NXPE2: variants seen among roughly 807,000 people sequenced by gnomAD.
NXPE2 encodes the protein neurexophilin and PC-esterase domain family member 2, also known as NXPE family member 2.
NXPE2 carries 34 observed loss-of-function variants against 34.4 expected under a neutral mutation model. The ratio of observed to expected loss-of-function variants is 0.99; its 90% CI spans 0.75 to 1.31. The LOEUF (loss-of-function observed/expected upper bound fraction) is 1.31. NXPE2 is among the 40% of genes most tolerant of loss of function. The pLI is 0.00. For synonymous variants in NXPE2, 235 were observed against 231.3 expected, an observed-to-expected ratio of 1.02 and a Z score of -0.15; for missense variants, 649 against 672.5, an observed-to-expected ratio of 0.97 and a Z score of 0.39.
At chr11:114,798,434 G>A in the NXPE2 span, among the ~76,000 whole-genome samples, 83 of 151,970 alleles carry the variant, frequency 5.5e-4, no homozygotes, top group Non-Finnish European at 1.0e-3. Context: ...TGACACCCAG[G>A]CTGGAGTGCA....
chr11:114,630,876 C>G, the NXPE2 span, among the ~76,000 whole-genome samples: 4 of 151,942 alleles, frequency 2.6e-5, no homozygotes, highest in African/African-American at 9.7e-5. Context: ...CATGAACAGA[C>G]ACTTCTTAAA....
At chr11:114,806,336 C>G in the NXPE2 span, among the ~76,000 whole-genome samples, 3 of 152,336 alleles carry the variant, frequency 2.0e-5, no homozygotes, top group South Asian at 6.2e-4. Context: ...TGGAACAAAG[C>G]TAGACAGAGA....
At chr11:114,487,838 G>A in the NXPE2 span, among the ~76,000 whole-genome samples, 11 of 152,086 alleles carry the variant, frequency 7.2e-5, no homozygotes, top group East Asian at 1.9e-4. Context: ...CCATCCTTGC[G>A]TCCCTGGGAT....
At chr11:114,482,177 T>G in the NXPE2 span, among the ~76,000 whole-genome samples, 1 of 152,144 alleles carries the variant, frequency 6.6e-6, no homozygotes, top group Non-Finnish European at 1.5e-5. Context: ...GAAAAAAATA[T>G]ATTTCCTGCT....
chr11:114,714,370 T>G, the NXPE2 span, among the ~76,000 whole-genome samples: 1 of 152,236 alleles, frequency 6.6e-6, no homozygotes, highest in African/African-American at 2.4e-5. Context: ...GAGGTGAGTG[T>G]GCTTTGCCTG....
chr11:114,636,082 A>G, the NXPE2 span, among the ~76,000 whole-genome samples: 1 of 77,088 alleles, frequency 1.3e-5, no homozygotes, highest in Non-Finnish European at 2.5e-5. Context: ...TCGACTGTGA[A>G]TCCATCTGGT....
At chr11:114,560,868 T>A in the NXPE2 span, among the ~76,000 whole-genome samples, 1 of 152,188 alleles carries the variant, frequency 6.6e-6, no homozygotes, top group East Asian at 1.9e-4. Context: ...ATAGCTGCAA[T>A]CATACAGTGT....
the NXPE2 span, among the ~76,000 whole-genome samples, chr11:114,494,420 A>G: frequency 6.6e-6 from 1 of 151,254 alleles, no homozygotes; most frequent in Non-Finnish European, 1.5e-5. Context: ...CTGGCTGTGT[A>G]TTTTCAAATA....
the NXPE2 span, chr11:114,571,367 C>G: frequency 3.1e-6 from 5 of 1,613,972 alleles, no homozygotes; most frequent in Non-Finnish European, 4.2e-6. Flanking sequence ...TTGATCCTAT[C>G]AAGGGATAAC....
At chr11:114,671,656 A>G in the NXPE2 span, among the ~76,000 whole-genome samples, 1 of 152,030 alleles carries the variant, frequency 6.6e-6, no homozygotes, top group Non-Finnish European at 1.5e-5. Context: ...TGAGAGAAAA[A>G]AATAGAATAA....
the NXPE2 span, chr11:114,582,541 T>C: frequency 6.2e-7 from 1 of 1,614,104 alleles, no homozygotes. Flanking sequence ...TTCCTTGCAC[T>C]CCAGAGAGCT....
chr11:114,811,870 C>G, the NXPE2 span, among the ~76,000 whole-genome samples: 1 of 152,166 alleles, frequency 6.6e-6, no homozygotes, highest in East Asian at 1.9e-4. Context: ...CTGTACTTCT[C>G]TAGGCTTCAG....
the NXPE2 span, among the ~76,000 whole-genome samples, chr11:114,561,182 C>T: frequency 1.3e-5 from 2 of 152,266 alleles, no homozygotes; most frequent in Non-Finnish European, 2.9e-5. Context: ...GTGCTAAGTA[C>T]TCATAGGATT....
chr11:114,468,870 G>C, the NXPE2 span, among the ~76,000 whole-genome samples: 1 of 152,256 alleles, frequency 6.6e-6, no homozygotes, highest in Middle Eastern at 3.4e-3. Context: ...GAGACTCCAG[G>C]CCAAAGGGAA....
At chr11:114,609,491 T>C in the NXPE2 span, among the ~76,000 whole-genome samples, 1 of 148,004 alleles carries the variant, frequency 6.8e-6, no homozygotes, top group Non-Finnish European at 1.5e-5. Context: ...AGGGTAACCA[T>C]TGTTACCTGG....
At chr11:114,623,063 G>A in the NXPE2 span, among the ~76,000 whole-genome samples, 4 of 152,218 alleles carry the variant, frequency 2.6e-5, no homozygotes, top group African/African-American at 7.2e-5. Context: ...GTTGCCTTGA[G>A]GGTAACCACT....
chr11:114,708,824 A>T (rs892123227), downstream of NXPE2, among the ~76,000 whole-genome samples: 1 of 152,180 alleles, frequency 6.6e-6, no homozygotes, highest in Admixed American at 6.5e-5. Context: ...CAACCATTGC[A>T]ATGTTAATTG....
the NXPE2 span, chr11:114,581,882 G>T: frequency 2.4e-6 from 2 of 842,142 alleles, no homozygotes; most frequent in African/African-American, 3.5e-5. Flanking sequence ...ATTTCTTAGA[G>T]ATAAGTCAAT....
the NXPE2 span, among the ~76,000 whole-genome samples, chr11:114,512,051 G>C: frequency 3.9e-5 from 6 of 152,158 alleles, no homozygotes; most frequent in African/African-American, 1.4e-4. Flanking sequence ...ATAATTCAAA[G>C]TGGTTCCATC....
Sources: allele counts gnomAD v4.1 joint callset (sites outside exome capture counted in the v4.1 genomes callset), GRCh38; gene constraint gnomAD v4.1.1; transcripts MANE v1.5; gene names NCBI Gene and HGNC (gene_info 2026-07-23, HGNC 2026-07-21).